PDE4B: variants seen among roughly 807,000 people sequenced by gnomAD.
PDE4B encodes 3',5'-cyclic-AMP phosphodiesterase 4B.
A neutral mutation model predicts 82.2 loss-of-function variants in PDE4B; 20 were observed. The ratio of observed to expected loss-of-function variants is 0.24; its 90% CI spans 0.17 to 0.35. The LOEUF (loss-of-function observed/expected upper bound fraction) is 0.35, where lower values mean the gene tolerates loss of function less well. PDE4B is among the 10% of genes least tolerant of loss of function. PDE4B has a pLI of 1.00. For synonymous variants in PDE4B, 320 were observed against 318.9 expected, an observed-to-expected ratio of 1.00 and a Z score of -0.04; for missense variants, 655 against 907.2, an observed-to-expected ratio of 0.72 and a Z score of 3.57.
intron 3 of PDE4B, among the ~76,000 whole-genome samples, chr1:66,037,529 G>A (rs1157480576): frequency 1.3e-5 from 2 of 151,944 alleles, no homozygotes; most frequent in Non-Finnish European, 1.5e-5. Context: ...GAGTCATTAC[G>A]ATTTTCTTTA....
chr1:66,078,966 C>T (rs543281682), intron 3 of PDE4B, among the ~76,000 whole-genome samples: 11 of 152,184 alleles, frequency 7.2e-5, no homozygotes, highest in Non-Finnish European at 1.6e-4. Context: ...CTCATCAATT[C>T]CCTTATTTAT....
At chr1:66,356,264 C>G (rs1282611023) in intron 9 of PDE4B, among the ~76,000 whole-genome samples, 1 of 152,214 alleles carries the variant, frequency 6.6e-6, no homozygotes, top group East Asian at 1.9e-4. Context: ...TGTTACATTA[C>G]TGGTATTTAA....
chr1:65,847,473 T>G (rs1646279983), intron 1 of PDE4B, among the ~76,000 whole-genome samples: 7 of 152,250 alleles, frequency 4.6e-5, no homozygotes, highest in Admixed American at 4.6e-4. Flanking sequence ...GGCTGTGGCC[T>G]TCAGATCTTT....
chr1:66,342,849 G>C (rs2076415412), intron 8 of PDE4B, among the ~76,000 whole-genome samples: 1 of 152,122 alleles, frequency 6.6e-6, no homozygotes, highest in South Asian at 2.1e-4. Context: ...TTCAAGATCA[G>C]CCTGGCCAAC....
intron 9 of PDE4B, 38 bp from the exon 10 acceptor site, chr1:66,361,577 C>T (rs757358714): frequency 6.5e-7 from 1 of 1,547,058 alleles, no homozygotes; most frequent in Non-Finnish European, 8.9e-7. Context: ...TTCTCATAGA[C>T]ACATGTGCTG....
Position 65,995,469 on chromosome 1 carries a change from C to T in PDE4B, c.281+76634C>T, listed in dbSNP as rs549667140. ...TCTAGCCTAATGCTTCATGCTTTCC[C>T]CTTGCTTCGCCTTTTTGTCTCTTGA... On this transcript the variant is annotated intron_variant, in intron 3 of 16. Coordinates refer to ENST00000341517, the MANE Select transcript of PDE4B (RefSeq NM_002600.4). Among the ~76,000 whole-genome samples the T allele has an allele frequency of 2.6e-5, 4 of 152,258 alleles. No individual in the cohort carries two copies. In the East Asian group the frequency reaches 7.7e-4, roughly 29 times the overall value.
At chr1:65,982,272 A>G (rs576593660) in intron 3 of PDE4B, among the ~76,000 whole-genome samples, 6 of 152,326 alleles carry the variant, frequency 3.9e-5, no homozygotes, top group African/African-American at 1.4e-4. Flanking sequence ...TAGAACTTAT[A>G]GGTGATGAAC....
At chr1:65,897,701 A>G (rs565073740) in intron 1 of PDE4B, among the ~76,000 whole-genome samples, 2 of 152,184 alleles carry the variant, frequency 1.3e-5, no homozygotes, top group East Asian at 3.9e-4. Context: ...TCCATGCTGT[A>G]CATATACCAC....
At chr1:65,859,902 C>A (rs971782113) in intron 1 of PDE4B, among the ~76,000 whole-genome samples, 3 of 152,150 alleles carry the variant, frequency 2.0e-5, no homozygotes, top group Admixed American at 2.0e-4. Flanking sequence ...CTTGCCCTAC[C>A]CCTCGTTTTT....
intron 3 of PDE4B, among the ~76,000 whole-genome samples, chr1:66,140,186 G>A (rs1405816240): frequency 6.6e-6 from 1 of 152,096 alleles, no homozygotes; most frequent in African/African-American, 2.4e-5. Flanking sequence ...TGATGCAAAG[G>A]GTGGAAAGCA....
At chr1:66,094,398 A>C (rs1287243132) in intron 3 of PDE4B, 1 of 152,056 alleles carries the variant, frequency 6.6e-6, no homozygotes, top group East Asian at 1.9e-4. Flanking sequence ...AAACTATATA[A>C]ATCCAAATCT....
At chr1:66,348,544 A>G (rs1224678991) in intron 8 of PDE4B, among the ~76,000 whole-genome samples, 1 of 152,062 alleles carries the variant, frequency 6.6e-6, no homozygotes, top group African/African-American at 2.4e-5. Flanking sequence ...AATTTTGAAA[A>G]GTTTAAATTA....
intron 7 of PDE4B, among the ~76,000 whole-genome samples, chr1:66,286,992 G>A (rs939791060): frequency 6.6e-6 from 1 of 152,130 alleles, no homozygotes; most frequent in Admixed American, 6.6e-5. Context: ...TAAGAATTCA[G>A]CCAGTCACAA....
chr1:66,031,385 C>T (rs1047537393), intron 3 of PDE4B, among the ~76,000 whole-genome samples: 1 of 152,128 alleles, frequency 6.6e-6, no homozygotes, highest in East Asian at 1.9e-4. Flanking sequence ...AAGTGATTCT[C>T]AATCAGGAGA....
At chr1:66,084,398 T>G (rs866317188) in intron 3 of PDE4B, among the ~76,000 whole-genome samples, 1 of 152,128 alleles carries the variant, frequency 6.6e-6, no homozygotes, top group South Asian at 2.1e-4. Flanking sequence ...GCGTTCTCAT[T>G]AAGAGGAAAT....
At chr1:65,899,615 GTA>G (rs376060923) in intron 1 of PDE4B, among the ~76,000 whole-genome samples, 13 of 146,072 alleles carry the variant, frequency 8.9e-5, no homozygotes, top group Non-Finnish European at 2.0e-4. Flanking sequence ...CGTTACATAT[GTA>G]TATATATATA....
chr1:66,319,738 G>A (rs748362950), intron 7 of PDE4B, among the ~76,000 whole-genome samples: 13 of 152,144 alleles, frequency 8.5e-5, no homozygotes, highest in Non-Finnish European at 1.5e-4. Context: ...TACCTCTCTC[G>A]AAAGGTAGAT....
intron 3 of PDE4B, among the ~76,000 whole-genome samples, chr1:66,104,509 G>A (rs1398661985): frequency 2.6e-4 from 37 of 143,358 alleles, no homozygotes; most frequent in African/African-American, 8.2e-4. Context: ...CTGAGGAATC[G>A]CCACACTGAC....
chr1:65,841,228 G>T (rs984142556), intron 1 of PDE4B, among the ~76,000 whole-genome samples: 1 of 152,080 alleles, frequency 6.6e-6, no homozygotes, highest in Non-Finnish European at 1.5e-5. Flanking sequence ...AACCCAGGAG[G>T]CAGAGGTTGT....
Sources: allele counts gnomAD v4.1 joint callset (sites outside exome capture counted in the v4.1 genomes callset), GRCh38; gene constraint gnomAD v4.1.1; transcripts MANE v1.5; gene names NCBI Gene and HGNC (gene_info 2026-07-23, HGNC 2026-07-21).